The following ATF7 variants were observed in gnomAD, a reference collection of about 807,000 sequenced individuals.
The protein encoded by ATF7 is activating transcription factor 7.
ATF7 carries 10 observed loss-of-function variants against 50.4 expected under a neutral mutation model. The ratio of observed to expected loss-of-function variants is 0.20; its 90% CI spans 0.12 to 0.34. The LOEUF (loss-of-function observed/expected upper bound fraction) is 0.34. Ranked by LOEUF, ATF7 falls within the 10% of genes least tolerant of loss-of-function variation. The pLI, the probability that ATF7 is intolerant of heterozygous loss-of-function variation, is 1.00. For synonymous variants in ATF7, 201 were observed against 226.4 expected (o/e 0.89, Z 1.01); for missense variants, 465 against 613.9 (o/e 0.76, Z 2.56).
Position 53,517,019 on chromosome 12 carries a change from C to A in ATF7, c.*118G>T. 8.7e-7 allele frequency: 1 copy of A among 1,149,536 alleles called. No homozygotes were observed. The highest frequency in any genetic ancestry group is 1.3e-6 in the Non-Finnish European group (1 of 797,134). 71.2% of individuals were successfully genotyped at this position (1,149,536 alleles called of 1,614,324 possible). A position where few individuals can be genotyped will look rare whatever the true frequency, so the allele number is the denominator to read the frequency against. The stretch of plus-strand genomic sequence containing the variant: ...CCATATCTGTCCATTACTCACAACA[C>A]ACAATTCCCCCCACCCATATTGCCA... On this transcript the variant is annotated 3_prime_UTR_variant, in exon 12 of 12. Transcript: ENST00000420353.
At chr12:53,588,198 T>A (rs1942804075) in intron 2 of ATF7, among the ~76,000 whole-genome samples, 2 of 152,190 alleles carry the variant, frequency 1.3e-5, no homozygotes, top group African/African-American at 4.8e-5. Context: ...AATATTTCCA[T>A]GAATCTACAT....
chr12:53,562,848 G>GA (rs1180281678), intron 2 of ATF7, among the ~76,000 whole-genome samples: 1 of 152,000 alleles, frequency 6.6e-6, no homozygotes, highest in African/African-American at 2.4e-5. Flanking sequence ...GTAACCACAG[G>GA]AAAAAGACAA....
intron 2 of ATF7, among the ~76,000 whole-genome samples, chr12:53,553,738 G>C (rs999902917): frequency 2.0e-5 from 3 of 152,136 alleles, no homozygotes; most frequent in African/African-American, 7.2e-5. Flanking sequence ...CTGAAACATG[G>C]TTCCGTTTGT....
intron 1 of ATF7, among the ~76,000 whole-genome samples, chr12:53,622,419 G>A (rs1944422027): frequency 6.6e-6 from 1 of 151,888 alleles, no homozygotes; most frequent in Middle Eastern, 3.4e-3. Context: ...AGGATATTGA[G>A]ACCATCCTGG....
At chr12:53,545,482 G>A (rs1044859017) in intron 3 of ATF7, among the ~76,000 whole-genome samples, 3 of 152,036 alleles carry the variant, frequency 2.0e-5, no homozygotes, top group Non-Finnish European at 4.4e-5. Flanking sequence ...GATTGCAGGC[G>A]CGCGCCACTA....
At chr12:53,565,821 T>A (rs962195161) in intron 2 of ATF7, among the ~76,000 whole-genome samples, 1 of 152,290 alleles carries the variant, frequency 6.6e-6, no homozygotes, top group Admixed American at 6.5e-5. Flanking sequence ...TACTCTCTTA[T>A]GACTTTTTTC....
chr12:53,560,677 T>C (rs1941046957), intron 2 of ATF7, among the ~76,000 whole-genome samples: 1 of 152,172 alleles, frequency 6.6e-6, no homozygotes, highest in South Asian at 2.1e-4. Context: ...CTATGATGAA[T>C]TCATGTCCCT....
At chr12:53,613,150 T>C (rs1392735134) in intron 1 of ATF7, among the ~76,000 whole-genome samples, 3 of 152,274 alleles carry the variant, frequency 2.0e-5, no homozygotes, top group African/African-American at 2.4e-5. Flanking sequence ...CTAACCTTTA[T>C]GAAACTATCA....
At chr12:53,521,258 C>A (rs1202113210) in intron 11 of ATF7, among the ~76,000 whole-genome samples, 1 of 152,208 alleles carries the variant, frequency 6.6e-6, no homozygotes, top group African/African-American at 2.4e-5. Context: ...TCCCAAAGTG[C>A]TGGGATTACA....
At chr12:53,558,749 A>C (rs1287536380) in intron 2 of ATF7, among the ~76,000 whole-genome samples, 2 of 152,228 alleles carry the variant, frequency 1.3e-5, no homozygotes, top group Non-Finnish European at 2.9e-5. Context: ...TCATTTAAGA[A>C]ATACTAAGAA....
At chr12:53,621,313 C>T (rs534942140) in intron 1 of ATF7, among the ~76,000 whole-genome samples, 21 of 152,144 alleles carry the variant, frequency 1.4e-4, no homozygotes, top group African/African-American at 5.1e-4. Flanking sequence ...ATTGTTCTAC[C>T]CTTATACATG....
At chr12:53,579,697 C>T (rs1248983624) in intron 2 of ATF7, among the ~76,000 whole-genome samples, 1 of 152,170 alleles carries the variant, frequency 6.6e-6, no homozygotes, top group Non-Finnish European at 1.5e-5. Flanking sequence ...TTGGCATGAA[C>T]TCTGAACTTT....
intron 2 of ATF7, among the ~76,000 whole-genome samples, chr12:53,555,693 A>G (rs1447290065): frequency 6.6e-6 from 1 of 151,620 alleles, no homozygotes; most frequent in Admixed American, 6.6e-5. Flanking sequence ...TATTTTTGAT[A>G]GAGAAGGGGT....
At chr12:53,587,843 A>ATATATATATATATATATATATATATATT in intron 2 of ATF7, among the ~76,000 whole-genome samples, 37 of 61,532 alleles carry the variant, frequency 6.0e-4, no homozygotes, top group Non-Finnish European at 9.5e-4. Context: ...ATATATATAT[A>ATATATATATATATATATATATATATATT]TTTTTTTTTT....
At chr12:53,619,495 A>AG (rs1400997171) in intron 1 of ATF7, among the ~76,000 whole-genome samples, 1 of 150,620 alleles carries the variant, frequency 6.6e-6, no homozygotes, top group African/African-American at 2.5e-5. Flanking sequence ...TCAAAAAAAA[A>AG]AAAAAAAAGA....
At chr12:53,603,053 A>T (rs1364298554) in intron 1 of ATF7, among the ~76,000 whole-genome samples, 1 of 152,214 alleles carries the variant, frequency 6.6e-6, no homozygotes, top group African/African-American at 2.4e-5. Flanking sequence ...GTCCTCTAAT[A>T]TATTTTCAAC....
intron 2 of ATF7, among the ~76,000 whole-genome samples, chr12:53,588,926 T>C (rs967226897): frequency 1.3e-5 from 2 of 152,170 alleles, no homozygotes; most frequent in East Asian, 3.8e-4. Flanking sequence ...TCATAAGAAT[T>C]TACACCTTTT....
At chr12:53,550,250 G>A (rs976624774) in intron 3 of ATF7, among the ~76,000 whole-genome samples, 7 of 151,486 alleles carry the variant, frequency 4.6e-5, no homozygotes, top group Non-Finnish European at 8.8e-5. Context: ...CTTGAGCCTG[G>A]GAGGGGGAGG....
intron 1 of ATF7, among the ~76,000 whole-genome samples, chr12:53,614,556 A>C (rs569170127): frequency 6.6e-6 from 1 of 152,344 alleles, no homozygotes; most frequent in South Asian, 2.1e-4. Context: ...ATTAAAGTAT[A>C]AGATTGGTTC....
Sources: gnomAD v4.1 joint callset for allele counts (sites outside exome capture counted in the v4.1 genomes callset) on GRCh38, gnomAD v4.1.1 for gene constraint, MANE v1.5 for transcripts, NCBI Gene and HGNC (gene_info 2026-07-23, HGNC 2026-07-21) for gene names.